ATP8A2: variants seen among roughly 807,000 people sequenced by gnomAD.
ATP8A2 encodes the protein phospholipid-transporting ATPase IB.
A neutral mutation model predicts 165.6 loss-of-function variants in ATP8A2; 100 were observed. The ratio of observed to expected loss-of-function variants is 0.60; its 90% CI spans 0.51 to 0.71. The LOEUF (loss-of-function observed/expected upper bound fraction) is 0.71. Among genes scored for constraint, ATP8A2 ranks in the 30% least tolerant of loss-of-function variants. The pLI is 0.00. For missense variants in ATP8A2, 1,227 were observed against 1,479.5 expected (o/e 0.83, Z 2.80); for synonymous variants, 543 against 548.8 (o/e 0.99, Z 0.15).
chr13:25,738,284 C>T (rs2043823661), intron 25 of ATP8A2, among the ~76,000 whole-genome samples: 1 of 152,056 alleles, frequency 6.6e-6, no homozygotes, highest in African/African-American at 2.4e-5. Context: ...ATGACACTCC[C>T]TCTTGTCTCT....
At chr13:25,890,814 T>A (rs977376343) in intron 33 of ATP8A2, among the ~76,000 whole-genome samples, 8 of 152,238 alleles carry the variant, frequency 5.3e-5, no homozygotes, top group African/African-American at 1.7e-4. Context: ...TGTGTTTAAG[T>A]TCTTTGGAAA....
intron 33 of ATP8A2, among the ~76,000 whole-genome samples, chr13:25,896,273 C>T (rs1953544406): frequency 1.3e-5 from 2 of 152,140 alleles, no homozygotes; most frequent in Non-Finnish European, 2.9e-5. Flanking sequence ...TTTATTTCTG[C>T]CTTCATTTCG....
rs1951291042 is a variant in ATP8A2 at position 25,825,457 on chromosome 13, G to C, written c.2680-2661G>C. On this transcript the variant is annotated intron_variant, in intron 27 of 36. Transcript: ENST00000381655. ...TACAGGCATAAGTCACTATGCCCAG[G>C]CTCTTTTCTATTTTTATTTGTTTTT... Among the ~76,000 whole-genome samples the C allele has an allele frequency of 2.0e-5, 3 of 151,854 alleles. No homozygotes were observed. In the South Asian group the frequency reaches 6.2e-4, roughly 32 times the overall value.
chr13:25,895,667 C>CT (rs1239272146), intron 33 of ATP8A2, among the ~76,000 whole-genome samples: 1 of 152,024 alleles, frequency 6.6e-6, no homozygotes, highest in Non-Finnish European at 1.5e-5. Flanking sequence ...TGGTCCTGGA[C>CT]TTTTTTTGGT....
At chr13:25,589,906 CATG>C (rs1177244396) in intron 24 of ATP8A2, among the ~76,000 whole-genome samples, 1 of 152,160 alleles carries the variant, frequency 6.6e-6, no homozygotes, top group African/African-American at 2.4e-5. Flanking sequence ...AATATTGCCT[CATG>C]ATAATACTTT....
Position 25,540,302 on chromosome 13 carries a change from T to C in ATP8A2, c.582-17T>C. The C allele has an allele frequency of 6.2e-7, 1 of 1,607,840 alleles. No homozygotes were observed. Among genetic ancestry groups the C allele is most frequent in the Non-Finnish European group, 8.5e-7 (1 of 1,174,526 alleles). ...AAGGACCTTATGAAACTTGGCTCTT[T>C]TTTTCTCTCTCCTTAGTGAACCTCA... On this transcript the variant is annotated splice_polypyrimidine_tract_variant and intron_variant, in intron 7 of 36. Transcript: ENST00000381655.
At chr13:25,867,823 G>T (rs769052533) in intron 33 of ATP8A2, 2 of 180,608 alleles carry the variant, frequency 1.1e-5, no homozygotes, top group Non-Finnish European at 2.4e-5. Flanking sequence ...CTGGGAATGG[G>T]TCAGCCACAG....
At chr13:25,682,455 C>G (rs1464940731) in intron 24 of ATP8A2, among the ~76,000 whole-genome samples, 1 of 152,166 alleles carries the variant, frequency 6.6e-6, no homozygotes, top group African/African-American at 2.4e-5. Flanking sequence ...CTTTAATTGG[C>G]CACAGTTCTC....
intron 36 of ATP8A2, among the ~76,000 whole-genome samples, chr13:26,019,472 C>T (rs976014617): frequency 2.0e-5 from 3 of 152,188 alleles, no homozygotes; most frequent in Non-Finnish European, 2.9e-5. Context: ...GTGTGTGTTT[C>T]CCTGGCATGT....
intron 1 of ATP8A2, among the ~76,000 whole-genome samples, chr13:25,414,383 G>A (rs2034072825): frequency 6.6e-6 from 1 of 151,814 alleles, no homozygotes; most frequent in Admixed American, 6.6e-5. Flanking sequence ...GTAGAGATAG[G>A]GTTTCACCAT....
rs115775210 is a variant in ATP8A2 at position 25,372,691 on chromosome 13, G to C, written c.76+403G>C. On this transcript the variant is annotated intron_variant, in intron 1 of 36. Transcript: ENST00000381655. This position sits in a 1 kb window ranked among gnomAD's most constrained non-coding sequence, Gnocchi z 4.8. ...GCGCAGAGAAGATGCAGCCTTCCCT[G>C]CCGGCGGCCGGCACCGCTGTGCTGC... Among the ~76,000 whole-genome samples, 1,065 of 152,306 alleles carry C rather than the reference G, an allele frequency of 7.0e-3. 13 individuals are homozygous for C. The highest frequency in any genetic ancestry group is 0.025 in the African/African-American group (1,023 of 41,570).
chr13:26,010,669 G>A (rs994780755), intron 35 of ATP8A2, among the ~76,000 whole-genome samples: 2 of 152,308 alleles, frequency 1.3e-5, no homozygotes, highest in Non-Finnish European at 2.9e-5. Context: ...AGGTGCCACG[G>A]GCTCACTCCT....
chr13:25,638,483 G>T (rs2041428900), intron 24 of ATP8A2, among the ~76,000 whole-genome samples: 1 of 152,162 alleles, frequency 6.6e-6, no homozygotes, highest in African/African-American at 2.4e-5. Context: ...TAGCCGATTC[G>T]ATCAACTGGA....
intron 33 of ATP8A2, among the ~76,000 whole-genome samples, chr13:25,913,262 C>A (rs927994642): frequency 7.9e-5 from 12 of 152,050 alleles, no homozygotes; most frequent in African/African-American, 2.9e-4. Flanking sequence ...GTTGGCAGTT[C>A]ATTCCTAAAA....
At chr13:25,945,990 G>T (rs1191171179) in intron 33 of ATP8A2, among the ~76,000 whole-genome samples, 1 of 152,194 alleles carries the variant, frequency 6.6e-6, no homozygotes, top group Non-Finnish European at 1.5e-5. Flanking sequence ...ACCTCTCAGG[G>T]TTCTGGTGAA....
intron 35 of ATP8A2, among the ~76,000 whole-genome samples, chr13:25,984,478 C>T (rs1453705286): frequency 2.6e-5 from 4 of 152,000 alleles, no homozygotes; most frequent in Admixed American, 2.0e-4. Flanking sequence ...GTGGTGCACA[C>T]CTGTAATCCC....
At chr13:25,911,774 G>A (rs1409882958) in intron 33 of ATP8A2, among the ~76,000 whole-genome samples, 2 of 152,132 alleles carry the variant, frequency 1.3e-5, no homozygotes, top group Non-Finnish European at 2.9e-5. Flanking sequence ...TAGGCTAAAT[G>A]AGCCCCCAAA....
At chr13:25,973,215 G>A (rs10444625) in intron 35 of ATP8A2, among the ~76,000 whole-genome samples, 52,408 of 152,086 alleles carry the variant, frequency 0.34, 9,629 homozygotes, top group Non-Finnish European at 0.41. Flanking sequence ...GAAGGTAGCT[G>A]TGTGGCTGGT....
chr13:25,616,326 CTTTTTTTTTTTT>C (rs535891442), intron 24 of ATP8A2, among the ~76,000 whole-genome samples: 3 of 106,754 alleles, frequency 2.8e-5, no homozygotes, highest in Non-Finnish European at 3.7e-5. Context: ...TTCTTTCTTT[CTTTTTTTTTTTT>C]TTTTTTTTTT....
Sources: gnomAD v4.1 joint callset for allele counts (sites outside exome capture counted in the v4.1 genomes callset) on GRCh38, gnomAD v4.1.1 for gene constraint, Gnocchi (gnomAD v3.1) non-coding constraint, MANE v1.5 for transcripts, NCBI Gene and HGNC (gene_info 2026-07-23, HGNC 2026-07-21) for gene names.